ARHGAP25: variants seen among roughly 807,000 people sequenced by gnomAD.
ARHGAP25 encodes Rho GTPase activating protein 25.
A neutral mutation model predicts 71.0 loss-of-function variants in ARHGAP25; 34 were observed. The ratio of observed to expected loss-of-function variants is 0.48; its 90% CI spans 0.36 to 0.64. The LOEUF (loss-of-function observed/expected upper bound fraction) is 0.64, where lower values mean the gene tolerates loss of function less well. Ranked by LOEUF, ARHGAP25 falls within the 30% of genes least tolerant of loss-of-function variation. The pLI is 0.00. For missense variants in ARHGAP25, 706 were observed against 805.1 expected, an observed-to-expected ratio of 0.88 and a Z score of 1.49; for synonymous variants, 282 against 296.5, an observed-to-expected ratio of 0.95 and a Z score of 0.50.
chr2:68,772,484 A>G (rs1380614895), intron 1 of ARHGAP25, among the ~76,000 whole-genome samples: 1 of 152,258 alleles, frequency 6.6e-6, no homozygotes, highest in Non-Finnish European at 1.5e-5. Flanking sequence ...CACTGAGGCT[A>G]CTGAAGTGGG....
chr2:68,786,503 C>T (rs1678770374), intron 3 of ARHGAP25, among the ~76,000 whole-genome samples: 2 of 152,200 alleles, frequency 1.3e-5, no homozygotes, highest in African/African-American at 4.8e-5. Flanking sequence ...ACTCCTTATT[C>T]TATTTCAAAG....
At chr2:68,752,313 T>C (rs191118793) in intron 1 of ARHGAP25, among the ~76,000 whole-genome samples, 83 of 149,784 alleles carry the variant, frequency 5.5e-4, no homozygotes, top group Non-Finnish European at 9.6e-4. Flanking sequence ...TGAAATCTGT[T>C]CTTCAAGATA....
In ARHGAP25 at chr2:68,713,249, G is replaced by T. The variant is rs186365758; in HGVS notation, c.-18+2551G>T. Among the ~76,000 whole-genome samples the T allele has an allele frequency of 9.2e-5, 14 of 152,144 alleles. No individual in the cohort carries two copies. The East Asian group carries it at 2.7e-3, about 29-fold the overall frequency. ...CATCCCTTGTAAGTTGTATTCCTAG[G>T]TATTTTATTCTCTGCAGCAATTGTG... On this transcript the variant is annotated intron_variant and NMD_transcript_variant, in intron 2 of 7. Coordinates refer to the ARHGAP25 transcript ENST00000463483.
chr2:68,739,121 A>C (rs1487096770), intron 1 of ARHGAP25, among the ~76,000 whole-genome samples: 7 of 152,188 alleles, frequency 4.6e-5, no homozygotes. Flanking sequence ...GTGGGGACCA[A>C]CCTAAGTGGT....
intron 2 of ARHGAP25, among the ~76,000 whole-genome samples, chr2:68,712,483 C>A (rs1004360692): frequency 1.3e-5 from 2 of 152,234 alleles, no homozygotes; most frequent in South Asian, 2.1e-4. Context: ...AAGATAGTTT[C>A]TTTTTCTGTA....
At position 68,736,027 on chromosome 2, in the gene ARHGAP25, G is replaced by A. The variant is rs115071997; in HGVS notation, c.61+767G>A. On this transcript the variant is annotated intron_variant, in intron 1 of 10. Coordinates refer to ENST00000409202, the MANE Select transcript of ARHGAP25 (RefSeq NM_001007231.3). ...CACAGTAATTCACATCAGAGCAATC[G>A]GGCTGAAAACTATTGCCTACATTTA... Among the ~76,000 whole-genome samples the A allele has an allele frequency of 6.7e-3, 1,024 of 152,108 alleles. 11 individuals are homozygous for A. The highest frequency in any genetic ancestry group is 0.023 in the African/African-American group (970 of 41,494).
chr2:68,791,168 G>A (rs1338026342), intron 4 of ARHGAP25, among the ~76,000 whole-genome samples: 1 of 152,078 alleles, frequency 6.6e-6, no homozygotes, highest in East Asian at 1.9e-4. Context: ...GTTCTGCCTC[G>A]CTTTGCTCCT....
At chr2:68,755,831 T>C (rs1260033933) in intron 1 of ARHGAP25, among the ~76,000 whole-genome samples, 1 of 152,266 alleles carries the variant, frequency 6.6e-6, no homozygotes, top group East Asian at 1.9e-4. Flanking sequence ...AGCAAATCCC[T>C]TTCTTTTGTT....
chr2:68,800,906 T>C (rs12713664), intron 4 of ARHGAP25, among the ~76,000 whole-genome samples: 143,171 of 152,028 alleles, frequency 0.94, 67,458 homozygotes, highest in African/African-American at 0.97. Context: ...ATATTACTTA[T>C]AATTATTATA....
chr2:68,787,062 G>A (rs1379955850), intron 3 of ARHGAP25, among the ~76,000 whole-genome samples: 2 of 152,172 alleles, frequency 1.3e-5, no homozygotes, highest in Non-Finnish European at 2.9e-5. Flanking sequence ...CAAGACCTGT[G>A]TTTGATACTC....
At chr2:68,798,592 A>G (rs1174961535) in intron 4 of ARHGAP25, among the ~76,000 whole-genome samples, 1 of 152,152 alleles carries the variant, frequency 6.6e-6, no homozygotes, top group Non-Finnish European at 1.5e-5. Flanking sequence ...ACTTTTAAAG[A>G]GCCAAGGGAA....
Position 68,813,342 on chromosome 2 carries a change from C to T in ARHGAP25, c.730C>T (p.Pro244Ser). The T allele has an allele frequency of 6.2e-7, 1 of 1,613,990 alleles. No individual in the cohort carries two copies. ...SLLKLYLRDL[P>S]EPVVPWSQYE... ...GTTAAAGCTCTACCTCCGAGACCTC[C>T]CAGAGCCCGTGGTTCCCTGGAGCCA... Residue 244 changes from proline to serine, a missense_variant, in exon 6 of 11, where the codon CCA (proline) becomes TCA (serine). Coordinates refer to ENST00000409202, the MANE Select transcript of ARHGAP25 (RefSeq NM_001007231.3).
intron 4 of ARHGAP25, among the ~76,000 whole-genome samples, chr2:68,798,390 C>T (rs1679726543): frequency 6.6e-6 from 1 of 152,126 alleles, no homozygotes; most frequent in Admixed American, 6.5e-5. Flanking sequence ...CTGCCCTCAG[C>T]TCCTAACAAC....
Position 68,805,234 on chromosome 2 carries a change from T to TG in ARHGAP25, c.467-2035dup, listed in dbSNP as rs1222443453. ...GGAAACGTCAGTGTGAGTTGCTTCT[T>TG]GGGGCATGGCAGGACATCAGGCCAG... is the stretch of plus-strand genomic sequence containing the variant. On this transcript the variant is annotated intron_variant, in intron 4 of 10. Transcript: ENST00000409202. Among the ~76,000 whole-genome samples, 3 of 152,248 alleles carry TG rather than the reference T, an allele frequency of 2.0e-5. No homozygotes were observed. In the East Asian group the frequency reaches 5.8e-4, roughly 29 times the overall value.
At chr2:68,763,179 A>G (rs1676928243) in intron 1 of ARHGAP25, among the ~76,000 whole-genome samples, 1 of 152,236 alleles carries the variant, frequency 6.6e-6, no homozygotes, top group Non-Finnish European at 1.5e-5. Flanking sequence ...GAATTTTAGA[A>G]TGCTTTCTTT....
At chr2:68,817,779 A>T (rs960014972) in intron 7 of ARHGAP25, 94 bp from the exon 8 acceptor site, 2 of 1,471,946 alleles carry the variant, frequency 1.4e-6, no homozygotes, top group South Asian at 1.2e-5. Context: ...GGAGGAAAGC[A>T]TTGGATCCAT....
At chr2:68,802,599 G>A (rs1295155614) in intron 4 of ARHGAP25, among the ~76,000 whole-genome samples, 2 of 151,824 alleles carry the variant, frequency 1.3e-5, no homozygotes, top group Non-Finnish European at 2.9e-5. Flanking sequence ...TATTGCCTTT[G>A]AGGAAGGCTA....
chr2:68,787,540 A>C (rs1300755376), intron 3 of ARHGAP25, among the ~76,000 whole-genome samples: 1 of 152,236 alleles, frequency 6.6e-6, no homozygotes, highest in East Asian at 1.9e-4. Context: ...CTGCACCATG[A>C]ACTTCCTTTT....
At chr2:68,774,012 T>C (rs1677661599) in intron 1 of ARHGAP25, among the ~76,000 whole-genome samples, 1 of 152,094 alleles carries the variant, frequency 6.6e-6, no homozygotes, top group South Asian at 2.1e-4. Flanking sequence ...GTAGAACTAG[T>C]CTCCAATCAG....
Sources: gnomAD v4.1 joint callset for allele counts (sites outside exome capture counted in the v4.1 genomes callset) on GRCh38, gnomAD v4.1.1 for gene constraint, MANE v1.5 for transcripts, NCBI Gene and HGNC (gene_info 2026-07-23, HGNC 2026-07-21) for gene names.